GNAZ: variants seen among roughly 807,000 people sequenced by gnomAD.
The protein encoded by GNAZ is G protein subunit alpha z.
A neutral mutation model predicts 25.4 loss-of-function variants in GNAZ; 3 were observed. The observed-to-expected ratio is 0.12, with a 90% CI of 0.05 to 0.30. The LOEUF (loss-of-function observed/expected upper bound fraction) is 0.30. Ranked by LOEUF, GNAZ falls within the 10% of genes least tolerant of loss-of-function variation. The probability of loss-of-function intolerance (pLI) is 1.00; values close to 1 mark genes in which losing one functional copy is unlikely to be tolerated. For missense variants in GNAZ, 241 were observed against 501.8 expected, an observed-to-expected ratio of 0.48 and a Z score of 4.97; for synonymous variants, 211 against 205.7, an observed-to-expected ratio of 1.03 and a Z score of -0.22.
rs1412507158 is a variant in GNAZ, at chr22:23,096,172, C to T, written c.477C>T (p.Asp159=). 6.2e-7 allele frequency: 1 copy of T among 1,613,190 alleles called. No homozygotes were observed. Among genetic ancestry groups the T allele is most frequent in the Admixed American group, 1.7e-5 (1 of 60,012 alleles). ...ACAACGCGGCCTACTACCTGAACGA[C>T]CTGGAGCGCATCGCCGCAGCTGACT... The part of the protein sequence containing the change: ...LEDNAAYYLN[D]LERIAAADYI... The change falls in exon 2 of 3, where the codon GAC becomes GAT. Residue 159 remains aspartate, a synonymous_variant. Transcript: ENST00000615612.
rs543362096 is a variant in GNAZ, at chr22:23,086,915, T to C, written c.-449-8332T>C. Among the ~76,000 whole-genome samples the C allele has an allele frequency of 3.3e-5, 5 of 152,206 alleles. 1 individual carries two copies. The highest frequency in any genetic ancestry group is 1.2e-4 in the African/African-American group (5 of 41,538). On this transcript the variant is annotated intron_variant, in intron 1 of 2. Coordinates refer to ENST00000615612, the MANE Select transcript of GNAZ (RefSeq NM_002073.4). ...GCCCCTACAGGTCCAGGCCAGGCCCTGGGAAACCCATGATGGGACACATGG... is the reference window on the plus strand; with the variant it reads ...GCCCCTACAGGTCCAGGCCAGGCCCCGGGAAACCCATGATGGGACACATGG...
chr22:23,080,489 C>A (rs1416789888), intron 1 of GNAZ, among the ~76,000 whole-genome samples: 1 of 152,246 alleles, frequency 6.6e-6, no homozygotes, highest in Non-Finnish European at 1.5e-5. Context: ...GTCCTTCCTC[C>A]CATCTGCTCG....
intron 2 of GNAZ, among the ~76,000 whole-genome samples, chr22:23,117,576 C>A (rs536925006): frequency 1.3e-5 from 2 of 152,362 alleles, no homozygotes; most frequent in South Asian, 4.1e-4. Flanking sequence ...AGAGGACGTC[C>A]CAGTGCCAAG....
chr22:23,072,067 G>C (rs1466753675), intron 1 of GNAZ, among the ~76,000 whole-genome samples: 1 of 152,082 alleles, frequency 6.6e-6, no homozygotes, highest in Non-Finnish European at 1.5e-5. Flanking sequence ...GGGTGGGCCT[G>C]GAGAAGAGCT....
intron 1 of GNAZ, among the ~76,000 whole-genome samples, chr22:23,085,154 G>A (rs1021914725): frequency 1.3e-5 from 2 of 152,304 alleles, no homozygotes; most frequent in Non-Finnish European, 2.9e-5. Flanking sequence ...TGCTGCATCT[G>A]CGGGGTCAGC....
At chr22:23,080,449 A>T (rs1416999419) in intron 1 of GNAZ, among the ~76,000 whole-genome samples, 2 of 152,230 alleles carry the variant, frequency 1.3e-5, no homozygotes, top group East Asian at 3.8e-4. Flanking sequence ...GGTTGTCTGT[A>T]GGATGGGGAC....
intron 2 of GNAZ, among the ~76,000 whole-genome samples, chr22:23,105,124 G>A (rs1039879471): frequency 3.9e-5 from 6 of 152,196 alleles, no homozygotes; most frequent in Non-Finnish European, 5.9e-5. Flanking sequence ...GGGGCCCTGG[G>A]CCTTGTATCC....
chr22:23,096,097 C>A lies in GNAZ; in HGVS notation c.402C>A (p.Asp134Glu). 1 of 1,610,324 alleles carries A rather than the reference C, an allele frequency of 6.2e-7. No individual in the cohort carries two copies. Among genetic ancestry groups the A allele is most frequent in the Non-Finnish European group, 8.5e-7 (1 of 1,179,992 alleles). The part of the protein sequence containing the change: ...LLGVMRRLWA[D>E]PGAQACFSRS... ...GTGTCATGCGACGGCTCTGGGCCGA[C>A]CCAGGGGCACAGGCCTGCTTCAGCC... The change falls in exon 2 of 3, where the codon GAC (aspartate) becomes GAA (glutamate). Residue 134 changes from aspartate to glutamate, a missense_variant. Asp to Glu is a conservative substitution (Grantham distance 45). Coordinates refer to ENST00000615612, the MANE Select transcript of GNAZ (RefSeq NM_002073.4).
At chr22:23,080,788 CAG>C (rs1470818884) in intron 1 of GNAZ, among the ~76,000 whole-genome samples, 32 of 152,354 alleles carry the variant, frequency 2.1e-4, no homozygotes, top group African/African-American at 7.2e-4. Context: ...AAATGAAATG[CAG>C]AGTCATTTAC....
intron 2 of GNAZ, among the ~76,000 whole-genome samples, chr22:23,099,787 G>A (rs1451298890): frequency 6.6e-6 from 1 of 152,244 alleles, no homozygotes. Flanking sequence ...AAGTGGAGAA[G>A]CTGGCACCTA....
chr22:23,097,843 C>A (rs1398286841), intron 2 of GNAZ, among the ~76,000 whole-genome samples: 3 of 152,240 alleles, frequency 2.0e-5, no homozygotes, highest in African/African-American at 7.2e-5. Context: ...GTGGGTCTGC[C>A]AGTCACACGG....
chr22:23,086,426 G>T (rs1196225516), intron 1 of GNAZ, among the ~76,000 whole-genome samples: 2 of 152,246 alleles, frequency 1.3e-5, no homozygotes, highest in African/African-American at 4.8e-5. Flanking sequence ...CAGCAGACGG[G>T]GTGGCACGGA....
chr22:23,096,133 G>A lies in GNAZ; in HGVS notation c.438G>A (p.Glu146=). The change falls in exon 2 of 3, where the codon GAG becomes GAA. Residue 146 remains glutamate (E), a synonymous_variant. Coordinates refer to ENST00000615612, the MANE Select transcript of GNAZ (RefSeq NM_002073.4). ...AGGCCTGCTTCAGCCGCTCCAGCGA[G>A]TACCACCTGGAGGACAACGCGGCCT... ...GAQACFSRSS[E]YHLEDNAAYY... is the part of the protein sequence containing the mutation. 1.2e-6 allele frequency: 2 copies of A among 1,612,498 alleles called. No homozygotes were observed. Among genetic ancestry groups the A allele is most frequent in the Middle Eastern group, 1.6e-4 (1 of 6,062 alleles).
At chr22:23,085,333 A>G (rs2068788323) in intron 1 of GNAZ, among the ~76,000 whole-genome samples, 1 of 152,058 alleles carries the variant, frequency 6.6e-6, no homozygotes, top group South Asian at 2.1e-4. Flanking sequence ...TGACACACAG[A>G]CTCAGCTTGT....
intron 1 of GNAZ, among the ~76,000 whole-genome samples, chr22:23,076,790 C>A (rs888325312): frequency 9.9e-5 from 15 of 152,204 alleles, no homozygotes; most frequent in African/African-American, 2.4e-5. Context: ...GGTAGAGTGG[C>A]CTTTCCAGGT....
chr22:23,075,170 G>A (rs559344165), intron 1 of GNAZ, among the ~76,000 whole-genome samples: 1 of 152,222 alleles, frequency 6.6e-6, no homozygotes, highest in African/African-American at 2.4e-5. Context: ...GGGTGGGCCC[G>A]CAACCTGCCT....
intron 1 of GNAZ, among the ~76,000 whole-genome samples, chr22:23,080,011 A>G (rs938755033): frequency 2.0e-5 from 3 of 152,116 alleles, no homozygotes; most frequent in Non-Finnish European, 4.4e-5. Flanking sequence ...GGTTTGATGG[A>G]GTCAGCAGTT....
intron 2 of GNAZ, among the ~76,000 whole-genome samples, chr22:23,112,842 T>C (rs2069692300): frequency 6.6e-6 from 1 of 152,056 alleles, no homozygotes; most frequent in Non-Finnish European, 1.5e-5. Context: ...GTGGCCAGTG[T>C]GGACCCATCA....
At chr22:23,104,969 C>T (rs544814410) in intron 2 of GNAZ, among the ~76,000 whole-genome samples, 14 of 152,354 alleles carry the variant, frequency 9.2e-5, no homozygotes, top group Middle Eastern at 3.4e-3. Context: ...ATGTGGCTCC[C>T]GTCTGGATAG....
Sources: allele counts gnomAD v4.1 joint callset (sites outside exome capture counted in the v4.1 genomes callset), GRCh38; gene constraint gnomAD v4.1.1; transcripts MANE v1.5; gene names NCBI Gene and HGNC (gene_info 2026-07-23, HGNC 2026-07-21).